The following ATAD3A variants were observed in gnomAD, a reference collection of about 807,000 sequenced individuals.
The protein encoded by ATAD3A is ATPase family AAA domain containing 3A.
ATAD3A carries 46 observed loss-of-function variants against 73.8 expected under a neutral mutation model. The ratio of observed to expected loss-of-function variants is 0.62; its 90% CI spans 0.49 to 0.80. The LOEUF is 0.80. Among genes scored for constraint, ATAD3A ranks in the 30% least tolerant of loss-of-function variants. ATAD3A has a pLI of 0.00. For synonymous variants in ATAD3A, 319 were observed against 350.0 expected, an observed-to-expected ratio of 0.91 and a Z score of 0.99; for missense variants, 705 against 838.0, an observed-to-expected ratio of 0.84 and a Z score of 1.96.
rs926874302 is a variant in ATAD3A at position 1,517,396 on chromosome 1, C to A, written c.368C>A (p.Thr123Asn). The change falls in exon 3 of 16, where the codon ACC becomes AAC. Residue 123 changes from threonine to asparagine, a missense_variant. This residue lies in a region of ATAD3A where 125 missense variants were observed against 170.6 expected (regional missense o/e 0.73). Coordinates refer to ENST00000378756, the MANE Select transcript of ATAD3A (RefSeq NM_001170535.3). The stretch of plus-strand genomic sequence containing the variant: ...AGGAGGAAGACCCTGAGCGAGGAGA[C>A]CCGGCAGCACCAGGCCGTAAGAGCG... The part of the protein sequence containing the change: ...EERRKTLSEE[T>N]RQHQARAQYQ... 1.3e-6 allele frequency: 2 copies of A among 1,524,602 alleles called. No individual in the cohort carries two copies. The highest frequency in any genetic ancestry group is 2.4e-5 in the South Asian group (2 of 81,654). 94.4% of individuals were successfully genotyped at this position (1,524,602 alleles called of 1,614,324 possible).
intron 14 of ATAD3A, among the ~76,000 whole-genome samples, chr1:1,528,253 G>A (rs949779519): frequency 1.6e-4 from 24 of 152,160 alleles, no homozygotes; most frequent in Non-Finnish European, 2.2e-4. Context: ...GTGAGCCACC[G>A]CGCCCGGCGT....
At chr1:1,515,678 TAACGTGA>T (rs372658730) in intron 1 of ATAD3A, among the ~76,000 whole-genome samples, 80 of 152,244 alleles carry the variant, frequency 5.3e-4, no homozygotes, top group African/African-American at 1.9e-3. Context: ...AAAGCGAATG[TAACGTGA>T]AAAAATAGAG....
intron 15 of ATAD3A, among the ~76,000 whole-genome samples, 172 bp from the exon 16 acceptor site, chr1:1,533,754 T>C (rs2753290): frequency 0.35 from 52,907 of 149,530 alleles, 12,745 homozygotes; most frequent in African/African-American, 0.65. Flanking sequence ...CAGGGGCTGC[T>C]CCCGGTGTCC....
At position 1,534,149 on chromosome 1, in the gene ATAD3A, T is replaced by G. The variant is rs1327530719; in HGVS notation, c.*77T>G. 2 of 1,605,944 alleles carry G rather than the reference T, an allele frequency of 1.2e-6. No individual in the cohort carries two copies. Among genetic ancestry groups the G allele is most frequent in the Non-Finnish European group, 1.7e-6 (2 of 1,176,254 alleles). Reference sequence around the variant, plus strand: ...CCCTGCCTTGCCGGCCCCTGCACATTTAGGATATGCTCCTGGGTGGGGACT... The same window carrying G: ...CCCTGCCTTGCCGGCCCCTGCACATGTAGGATATGCTCCTGGGTGGGGACT... On this transcript the variant is annotated 3_prime_UTR_variant, in exon 16 of 16. Coordinates refer to ENST00000378756, the MANE Select transcript of ATAD3A (RefSeq NM_001170535.3).
chr1:1,523,843 G>T lies in ATAD3A; in HGVS notation c.968G>T (p.Ser323Ile). 6.2e-7 allele frequency: 1 copy of T among 1,613,972 alleles called. No homozygotes were observed. The highest frequency in any genetic ancestry group is 1.3e-5 in the African/African-American group (1 of 75,060). ...DALEGVVLSP[S>I]LEARVRDIAI... ...AACCCCCGTCTTCCCCGGCAGCCCAGCCTGGAAGCACGGGTGCGCGACATC... is the reference window on the plus strand; with the variant it reads ...AACCCCCGTCTTCCCCGGCAGCCCATCCTGGAAGCACGGGTGCGCGACATC... Residue 323 changes from serine to isoleucine, a missense_variant, in exon 10 of 16, where the codon AGC (serine) becomes ATC (isoleucine). By Grantham distance (142) the Ser-to-Ile change is moderately radical. Transcript: ENST00000378756. The surrounding 1 kb of genome is among the most constrained non-coding windows in gnomAD (Gnocchi z 5.1).
intron 15 of ATAD3A, among the ~76,000 whole-genome samples, chr1:1,532,347 G>A (rs1642059703): frequency 6.6e-6 from 1 of 152,180 alleles, no homozygotes; most frequent in Admixed American, 6.5e-5. Context: ...AGAGTTTGAG[G>A]AGTGATACTG....
intron 13 of ATAD3A, 44 bp from the exon 14 acceptor site, chr1:1,527,651 C>G: frequency 6.4e-7 from 1 of 1,572,858 alleles, no homozygotes; most frequent in South Asian, 1.2e-5. Flanking sequence ...TGGTGCAGCT[C>G]GGCCGGCAGC....
At position 1,516,083 on chromosome 1, in the gene ATAD3A, C is replaced by A; in HGVS notation, c.277C>A (p.Leu93Ile). 3.1e-6 allele frequency: 5 copies of A among 1,613,530 alleles called. No individual in the cohort carries two copies. Among genetic ancestry groups the A allele is most frequent in the Non-Finnish European group, 3.4e-6 (4 of 1,179,902 alleles). ...GCTGCAGTTGGAGCAACAGTCCAAGCTCAAAGTGAGTGGGGCCGGTGTGGG... is the reference window on the plus strand; with the variant it reads ...GCTGCAGTTGGAGCAACAGTCCAAGATCAAAGTGAGTGGGGCCGGTGTGGG... ...QTLQLEQQSK[L>I]KEYEAAVEQL... The change falls in exon 2 of 16, where the codon CTC becomes ATC. Residue 93 changes from leucine to isoleucine, a missense_variant. By Grantham distance (5) the Leu-to-Ile change is conservative. This residue lies in a region of ATAD3A where 125 missense variants were observed against 170.6 expected (regional missense o/e 0.73). Transcript: ENST00000378756.
chr1:1,534,461 G>A lies in ATAD3A; in HGVS notation c.*389G>A, dbSNP rs1440793100. The A allele has an allele frequency of 1.7e-5, 20 of 1,170,338 alleles. No homozygotes were observed. The highest frequency in any genetic ancestry group is 3.8e-5 in the Admixed American group (1 of 26,372). The allele number at this position is 1,170,338 out of a possible 1,614,324, so 72.5% of individuals were successfully genotyped here. A position where few individuals can be genotyped will look rare whatever the true frequency, so the allele number is the denominator to read the frequency against. ...CTTTGTTCTCGGCTCCCACAGCAGA[G>A]CCAGGTGAGGGGGCGCCTGCCAGGG... On this transcript the variant is annotated 3_prime_UTR_variant, in exon 16 of 16. Coordinates refer to ENST00000378756, the MANE Select transcript of ATAD3A (RefSeq NM_001170535.3).
At position 1,521,326 on chromosome 1, in the gene ATAD3A, A is replaced by C. The variant is rs1458699022; in HGVS notation, c.750+709A>C. ...AAAAAAAAAAAAAAAAAAAAAAAAA[A>C]AAACCAGAAGGCAACCCTGACTCCA... On this transcript the variant is annotated intron_variant, in intron 7 of 15. Coordinates refer to ENST00000378756, the MANE Select transcript of ATAD3A (RefSeq NM_001170535.3). Among the ~76,000 whole-genome samples the C allele has an allele frequency of 5.3e-5, 8 of 150,546 alleles. No individual in the cohort carries two copies. The South Asian group carries it at 8.4e-4, about 16-fold the overall frequency.
rs188675569 is a variant in ATAD3A at position 1,525,229 on chromosome 1, C to G, written c.1215-11C>G. ...CACTCTCGCCCTGCTTGGCCTCCCT[C>G]TCGTTCACAGCCTCCTGCTCTTTGT... On this transcript the variant is annotated splice_polypyrimidine_tract_variant and intron_variant, in intron 11 of 15. Transcript: ENST00000378756. 5.5e-4 allele frequency: 895 copies of G among 1,613,772 alleles called. 5 individuals carry two copies. The African/African-American group carries it at 0.011, about 20-fold the overall frequency.
intron 7 of ATAD3A, among the ~76,000 whole-genome samples, chr1:1,522,212 T>C (rs1166137593): frequency 6.6e-6 from 1 of 152,154 alleles, no homozygotes; most frequent in Non-Finnish European, 1.5e-5. Context: ...GCTAATTTTT[T>C]GTATTTTTAG....
At chr1:1,521,495 C>T (rs897599462) in intron 7 of ATAD3A, among the ~76,000 whole-genome samples, 2 of 152,096 alleles carry the variant, frequency 1.3e-5, no homozygotes, top group Admixed American at 6.6e-5. Flanking sequence ...CTGTGTCCTC[C>T]GTCCCCACCC....
chr1:1,516,324 A>C (rs907631742), intron 2 of ATAD3A, among the ~76,000 whole-genome samples: 1 of 151,870 alleles, frequency 6.6e-6, no homozygotes, highest in Admixed American at 6.6e-5. Flanking sequence ...GGTCGTCCGG[A>C]GGGAGGGCCG....
chr1:1,517,311 G>A lies in ATAD3A; in HGVS notation c.283G>A (p.Glu95Lys), dbSNP rs1294486041. 7 of 1,546,614 alleles carry A rather than the reference G, an allele frequency of 4.5e-6. No homozygotes were observed. In the Admixed American group the frequency reaches 9.9e-5, roughly 22 times the overall value. Residue 95 changes from glutamate to lysine, a missense_variant and splice_region_variant, in exon 3 of 16, where the codon GAG becomes AAG. Around this residue, in one of 5 missense-constraint regions of ATAD3A, gnomAD observed 125 missense variants for 170.6 expected, o/e 0.73. Transcript: ENST00000378756. ...LQLEQQSKLK[E>K]YEAAVEQLKS... ...AGCTGGTGAGTGCTGTGCTCTGCAG[G>A]AGTATGAGGCCGCCGTGGAGCAGCT...
At position 1,531,793 on chromosome 1, in the gene ATAD3A, AAAAAT is replaced by A. The variant is rs1211086982; in HGVS notation, c.1615-2125_1615-2121del. Among the ~76,000 whole-genome samples the A allele has an allele frequency of 3.1e-4, 47 of 151,766 alleles. 1 individual carries two copies. The highest frequency in any genetic ancestry group is 8.9e-4 in the African/African-American group (37 of 41,394). ...ACTCTGTCTCAAAAATAAAAAAATAAAAAATAAAATAATAATTTGGGCTGGGCACG... is the reference window on the plus strand; with the variant it reads ...ACTCTGTCTCAAAAATAAAAAAATAAAAAATAATAATTTGGGCTGGGCACG... On this transcript the variant is annotated intron_variant, in intron 15 of 15. Transcript: ENST00000378756.
intron 15 of ATAD3A, among the ~76,000 whole-genome samples, chr1:1,532,159 A>G (rs965231813): frequency 6.6e-6 from 1 of 152,090 alleles, no homozygotes; most frequent in African/African-American, 2.4e-5. Context: ...GTCAGGGTGT[A>G]TAATTTTTTT....
chr1:1,523,183 G>A lies in ATAD3A; in HGVS notation c.906+284G>A, dbSNP rs547809360. On this transcript the variant is annotated intron_variant, in intron 8 of 15. Transcript: ENST00000378756. This position sits in a 1 kb window ranked among gnomAD's most constrained non-coding sequence, Gnocchi z 5.1. Reference sequence around the variant, plus strand: ...AGACCCGGGACTTGGGTGTGCGGCCGTCTATCAGGGAAGCTGCTACAGGCC... The same window carrying A: ...AGACCCGGGACTTGGGTGTGCGGCCATCTATCAGGGAAGCTGCTACAGGCC... 1.2e-4 allele frequency among the ~76,000 whole-genome samples: 18 copies of A among 152,120 alleles called. No individual in the cohort carries two copies. The highest frequency in any genetic ancestry group is 3.4e-4 in the African/African-American group (14 of 41,448).
intron 4 of ATAD3A, among the ~76,000 whole-genome samples, chr1:1,518,713 C>A (rs1334911716): frequency 6.9e-6 from 1 of 145,466 alleles, no homozygotes; most frequent in Non-Finnish European, 1.5e-5. Flanking sequence ...ACAACCCACC[C>A]ACACATGGGC....
Sources: allele counts gnomAD v4.1 joint callset (sites outside exome capture counted in the v4.1 genomes callset), GRCh38; gene constraint gnomAD v4.1.1; regional missense constraint gnomAD v4.1.1; non-coding constraint Gnocchi (gnomAD v3.1); transcripts MANE v1.5; gene names NCBI Gene and HGNC (gene_info 2026-07-23, HGNC 2026-07-21).